Variants in MGMT observed in about 807,000 individuals in gnomAD.
MGMT encodes the protein O-6-methylguanine-DNA methyltransferase, also known as methylated-DNA--protein-cysteine methyltransferase.
In MGMT, 14 loss-of-function variants were observed where a neutral mutation model predicts 15.9. The observed-to-expected ratio is 0.88, with a 90% CI of 0.58 to 1.37. The LOEUF is 1.37. MGMT is among the 40% of genes most tolerant of loss of function. The pLI is 0.00. For synonymous variants in MGMT, 130 were observed against 118.2 expected, an observed-to-expected ratio of 1.10 and a Z score of -0.65; for missense variants, 282 against 268.1, an observed-to-expected ratio of 1.05 and a Z score of -0.36.
chr10:129,763,878 T>C (rs1848902759), intron 4 of MGMT, among the ~76,000 whole-genome samples: 1 of 152,220 alleles, frequency 6.6e-6, no homozygotes, highest in South Asian at 2.1e-4. Flanking sequence ...CACCTCACTC[T>C]AGTAAACTCA....
chr10:129,725,806 C>T (rs1469244814), intron 3 of MGMT, among the ~76,000 whole-genome samples: 3 of 152,180 alleles, frequency 2.0e-5, no homozygotes, highest in Non-Finnish European at 2.9e-5. Flanking sequence ...GCAGAGGAGT[C>T]GGCTCCACGG....
intron 1 of MGMT, among the ~76,000 whole-genome samples, chr10:129,503,354 T>C (rs1027290498): frequency 6.6e-6 from 1 of 152,236 alleles, no homozygotes; most frequent in Admixed American, 6.5e-5. Flanking sequence ...TAAACCTCCG[T>C]TTTCAAATAA....
chr10:129,494,717 G>T lies in MGMT; in HGVS notation c.-13+27421G>T, dbSNP rs73378898. On this transcript the variant is annotated intron_variant, in intron 1 of 4. Coordinates refer to ENST00000651593, the MANE Select transcript of MGMT (RefSeq NM_002412.5). ...GTAGCCACATGTGGCTAACAGCTGC[G>T]TATGGACACTGCCAGTCTAGACGGA... is the stretch of plus-strand genomic sequence containing the variant. Among the ~76,000 whole-genome samples, 5 of 152,260 alleles carry T rather than the reference G, an allele frequency of 3.3e-5. No individual in the cohort carries two copies. In the East Asian group the frequency reaches 7.7e-4, roughly 24 times the overall value.
intron 2 of MGMT, among the ~76,000 whole-genome samples, chr10:129,568,711 A>G (rs1212576847): frequency 3.9e-5 from 6 of 152,106 alleles, no homozygotes; most frequent in Admixed American, 2.0e-4. Context: ...GACAGCTCCT[A>G]TGGACCTGGA....
At chr10:129,645,118 C>CTTTTTTTTTTTTTT (rs10606297) in intron 2 of MGMT, among the ~76,000 whole-genome samples, 2 of 121,950 alleles carry the variant, frequency 1.6e-5, no homozygotes, top group Non-Finnish European at 1.7e-5. Flanking sequence ...CCTGAAAGCC[C>CTTTTTTTTTTTTTT]TTTTTTTTTT....
At chr10:129,707,552 G>A (rs1420487102) in intron 2 of MGMT, among the ~76,000 whole-genome samples, 3 of 152,156 alleles carry the variant, frequency 2.0e-5, no homozygotes, top group East Asian at 1.9e-4. Flanking sequence ...TGACTGTGTC[G>A]ATATTTCTGG....
At chr10:129,752,526 CT>C (rs34967203) in intron 3 of MGMT, among the ~76,000 whole-genome samples, 18,471 of 151,788 alleles carry the variant, frequency 0.12, 1,162 homozygotes, top group Middle Eastern at 0.17. Context: ...TTTGTGCCCT[CT>C]TTTTTTCCTT....
intron 2 of MGMT, among the ~76,000 whole-genome samples, chr10:129,590,143 C>T (rs932845304): frequency 1.8e-4 from 28 of 152,320 alleles, no homozygotes; most frequent in African/African-American, 5.5e-4. Flanking sequence ...GGGGCTCTGC[C>T]GCAGGCCCAC....
intron 2 of MGMT, among the ~76,000 whole-genome samples, chr10:129,601,573 A>G (rs1846822265): frequency 6.6e-6 from 1 of 152,116 alleles, no homozygotes; most frequent in South Asian, 2.1e-4. Flanking sequence ...ACTTTGTCTA[A>G]GTCCTCATCC....
chr10:129,698,894 G>A (rs11813468), intron 2 of MGMT, among the ~76,000 whole-genome samples: 20,639 of 152,258 alleles, frequency 0.14, 4,221 homozygotes, highest in African/African-American at 0.44. Flanking sequence ...TCAACAGTCA[G>A]GCACCGCAAG....
At chr10:129,702,254 C>A (rs1349401777) in intron 2 of MGMT, 1 of 152,180 alleles carries the variant, frequency 6.6e-6, no homozygotes, top group Admixed American at 6.5e-5. Context: ...TTAAAGAAAT[C>A]CTTGAGCCAG....
At chr10:129,516,483 A>G (rs1465494801) in intron 1 of MGMT, among the ~76,000 whole-genome samples, 2 of 152,170 alleles carry the variant, frequency 1.3e-5, no homozygotes, top group African/African-American at 4.8e-5. Flanking sequence ...TCCAGAAAGC[A>G]GATGGGAGAG....
At chr10:129,497,597 G>T (rs903845779) in intron 1 of MGMT, among the ~76,000 whole-genome samples, 2 of 152,184 alleles carry the variant, frequency 1.3e-5, no homozygotes, top group African/African-American at 2.4e-5. Flanking sequence ...CACAACCAGG[G>T]CGCTAACACG....
chr10:129,664,586 C>T (rs1847636087), intron 2 of MGMT, among the ~76,000 whole-genome samples: 1 of 152,190 alleles, frequency 6.6e-6, no homozygotes, highest in Admixed American at 6.5e-5. Context: ...ACACCTAGTT[C>T]CCAGTCTTAT....
intron 2 of MGMT, among the ~76,000 whole-genome samples, chr10:129,681,260 G>A (rs1847849390): frequency 6.6e-6 from 1 of 152,210 alleles, no homozygotes; most frequent in Non-Finnish European, 1.5e-5. Context: ...AGCTGGTAAG[G>A]AAAATGACAT....
At chr10:129,742,240 A>C (rs4751116) in intron 3 of MGMT, among the ~76,000 whole-genome samples, 1 of 152,224 alleles carries the variant, frequency 6.6e-6, no homozygotes, top group Non-Finnish European at 1.5e-5. Context: ...GGAGCCAGAA[A>C]CTCCCTTTTT....
chr10:129,750,050 A>G (rs549808748), intron 3 of MGMT, among the ~76,000 whole-genome samples: 55 of 152,124 alleles, frequency 3.6e-4, no homozygotes, highest in Non-Finnish European at 6.8e-4. Flanking sequence ...TCTTACATAT[A>G]TCTTCTCCTA....
intron 2 of MGMT, among the ~76,000 whole-genome samples, chr10:129,569,847 G>T (rs491929): frequency 1.3e-5 from 2 of 151,974 alleles, no homozygotes; most frequent in South Asian, 4.2e-4. Context: ...GATGATGGGG[G>T]TGTGCCTGCA....
intron 2 of MGMT, among the ~76,000 whole-genome samples, chr10:129,674,511 C>T (rs537654690): frequency 3.3e-5 from 5 of 152,312 alleles, no homozygotes; most frequent in South Asian, 2.1e-4. Context: ...GCCACATGGA[C>T]CCCCTTGCTT....
Sources: allele counts gnomAD v4.1 joint callset (sites outside exome capture counted in the v4.1 genomes callset), GRCh38; gene constraint gnomAD v4.1.1; transcripts MANE v1.5; gene names NCBI Gene and HGNC (gene_info 2026-07-23, HGNC 2026-07-21).